The following ARFGEF1 variants were observed in gnomAD, a reference collection of about 807,000 sequenced individuals.
ARFGEF1 encodes brefeldin A-inhibited guanine nucleotide-exchange protein 1.
In ARFGEF1, 42 loss-of-function variants were observed where a neutral mutation model predicts 231.0. The ratio of observed to expected loss-of-function variants is 0.18; its 90% confidence interval spans 0.14 to 0.24. The LOEUF (loss-of-function observed/expected upper bound fraction) is 0.24. ARFGEF1 is among the 10% of genes least tolerant of loss of function. The pLI, the probability that ARFGEF1 is intolerant of heterozygous loss-of-function variation, is 1.00. For synonymous variants in ARFGEF1, 710 were observed against 732.3 expected (o/e 0.97, Z 0.49); for missense variants, 1,345 against 2,192.0 (o/e 0.61, Z 7.72).
At chr8:67,184,614 A>G (rs541953548) in intron 5 of ARFGEF1, among the ~76,000 whole-genome samples, 1 of 151,908 alleles carries the variant, frequency 6.6e-6, no homozygotes, top group African/African-American at 2.4e-5. Context: ...AGTCCCAGCT[A>G]TCTGGGAGGC....
At chr8:67,332,497 C>T (rs1808143858) in intron 1 of ARFGEF1, among the ~76,000 whole-genome samples, 1 of 152,082 alleles carries the variant, frequency 6.6e-6, no homozygotes, top group South Asian at 2.1e-4. Context: ...CACGAATTTG[C>T]CTGACTTCTT....
At chr8:67,276,239 T>A in intron 8 of ARFGEF1, 130 bp from the exon 9 acceptor site, 2 of 934,450 alleles carry the variant, frequency 2.1e-6, no homozygotes, top group Non-Finnish European at 3.2e-6. Flanking sequence ...GGGAACCAGA[T>A]GAGGGAATCT....
At chr8:67,282,686 A>G (rs1330358406) in intron 7 of ARFGEF1, among the ~76,000 whole-genome samples, 1 of 152,008 alleles carries the variant, frequency 6.6e-6, no homozygotes, top group Admixed American at 6.6e-5. Flanking sequence ...TCTCTACCAA[A>G]AAAATACAAA....
At chr8:67,332,535 T>C (rs1242458192) in intron 1 of ARFGEF1, among the ~76,000 whole-genome samples, 1 of 152,214 alleles carries the variant, frequency 6.6e-6, no homozygotes, top group Non-Finnish European at 1.5e-5. Flanking sequence ...AAAATTATAT[T>C]GTACACGACA....
At chr8:67,184,176 G>C (rs1420136741) in intron 5 of ARFGEF1, among the ~76,000 whole-genome samples, 1 of 152,088 alleles carries the variant, frequency 6.6e-6, no homozygotes, top group Admixed American at 6.5e-5. Flanking sequence ...TTTTTAAGGT[G>C]CTTAAATTTA....
At chr8:67,300,988 T>C (rs1806461405) in intron 3 of ARFGEF1, among the ~76,000 whole-genome samples, 1 of 152,234 alleles carries the variant, frequency 6.6e-6, no homozygotes, top group African/African-American at 2.4e-5. Flanking sequence ...TTTTCATTAT[T>C]GATAAACTTA....
intron 6 of ARFGEF1, among the ~76,000 whole-genome samples, chr8:67,291,291 TATA>T (rs2128909255): frequency 1.3e-5 from 2 of 152,214 alleles, no homozygotes; most frequent in African/African-American, 2.4e-5. Flanking sequence ...AGCGTTTTCT[TATA>T]ATATACACTT....
rs190230745 is a variant in ARFGEF1, at chr8:67,319,409, T to C, written c.125-16943A>G. Among the ~76,000 whole-genome samples the C allele has an allele frequency of 5.1e-4, 77 of 151,514 alleles. No homozygotes were observed. The South Asian group carries it at 8.3e-3, about 16-fold the overall frequency. Reference sequence around the variant, plus strand: ...GTCCAGACACAGACCCACAGAACTATAGATGATTAATTTTTGACAAAAGTA... The same window carrying C: ...GTCCAGACACAGACCCACAGAACTACAGATGATTAATTTTTGACAAAAGTA... On this transcript the variant is annotated intron_variant, in intron 1 of 38. Coordinates refer to ENST00000262215, the MANE Select transcript of ARFGEF1 (RefSeq NM_006421.5).
In ARFGEF1 at chr8:67,240,235, T is replaced by C; in HGVS notation, c.2906A>G (p.Asp969Gly). 1 of 1,613,216 alleles carries C rather than the reference T, an allele frequency of 6.2e-7. No individual in the cohort carries two copies. The highest frequency in any genetic ancestry group is 1.3e-5 in the African/African-American group (1 of 75,028). The change falls in exon 20 of 39, where the codon GAT becomes GGT. Residue 969 changes from aspartate to glycine, a missense_variant. Coordinates refer to ENST00000262215, the MANE Select transcript of ARFGEF1 (RefSeq NM_006421.5). ...AFSVGLQDCD[D>G]TEVASLCLEG... ...CAGGCAAAGAGAGGCTACTTCAGTATCATCACAATCTTGTAGACCCACACT... is the reference window on the plus strand; with the variant it reads ...CAGGCAAAGAGAGGCTACTTCAGTACCATCACAATCTTGTAGACCCACACT...
At chr8:67,238,261 T>G in intron 22 of ARFGEF1, 82 bp downstream of exon 22, 3 of 1,357,198 alleles carry the variant, frequency 2.2e-6, no homozygotes, top group Non-Finnish European at 3.0e-6. Context: ...CTTCTCCTTC[T>G]AATTATATTT....
At chr8:67,174,316 A>G (rs1831094357), downstream of ARFGEF1, 1 of 152,194 alleles carries the variant, frequency 6.6e-6, no homozygotes, top group Non-Finnish European at 1.5e-5. Context: ...ATTTCTGATC[A>G]TAAAGCTTTA....
At chr8:67,341,983 A>G (rs1287894541) in intron 1 of ARFGEF1, among the ~76,000 whole-genome samples, 1 of 152,214 alleles carries the variant, frequency 6.6e-6, no homozygotes, top group African/African-American at 2.4e-5. Flanking sequence ...ACAGTATATT[A>G]CAGCAAATTA....
intron 19 of ARFGEF1, among the ~76,000 whole-genome samples, chr8:67,245,956 A>G (rs1423852951): frequency 6.6e-6 from 1 of 150,522 alleles, no homozygotes; most frequent in African/African-American, 2.5e-5. Context: ...CTATACTTGT[A>G]TCAGAAAAAA....
chr8:67,300,773 G>A (rs1436456631), intron 3 of ARFGEF1, among the ~76,000 whole-genome samples: 1 of 151,604 alleles, frequency 6.6e-6, no homozygotes, highest in Non-Finnish European at 1.5e-5. Context: ...GAACACAGGG[G>A]GCAGAGGTCA....
chr8:67,333,381 G>A (rs1339125330), intron 1 of ARFGEF1, among the ~76,000 whole-genome samples: 1 of 150,900 alleles, frequency 6.6e-6, no homozygotes, highest in Non-Finnish European at 1.5e-5. Flanking sequence ...CCAGGCTGGA[G>A]TCCAGTGGTG....
At position 67,271,744 on chromosome 8, in the gene ARFGEF1, A is replaced by G; in HGVS notation, c.1530T>C (p.Thr510=). 1 of 1,613,494 alleles carries G rather than the reference A, an allele frequency of 6.2e-7. No individual in the cohort carries two copies. Among genetic ancestry groups the G allele is most frequent in the Non-Finnish European group, 8.5e-7 (1 of 1,179,800 alleles). The change falls in exon 10 of 39, where the codon ACT becomes ACC. Residue 510 remains threonine (T), a synonymous_variant. Transcript: ENST00000262215. ...GATGTGTCTTGAAATTTGACAACAA[A>G]GTAAGAAATATAGAAAGAGAAAGCT... The part of the protein sequence containing the change: ...VFELSLSIFL[T]LLSNFKTHLK...
intron 3 of ARFGEF1, among the ~76,000 whole-genome samples, 159 bp downstream of exon 3, chr8:67,301,065 T>G (rs1365931916): frequency 6.6e-6 from 1 of 152,200 alleles, no homozygotes; most frequent in Non-Finnish European, 1.5e-5. Flanking sequence ...TTTTTGCAAC[T>G]ATTATTATCT....
chr8:67,336,295 A>C (rs1279541754), intron 1 of ARFGEF1, among the ~76,000 whole-genome samples: 2 of 152,218 alleles, frequency 1.3e-5, no homozygotes, highest in Non-Finnish European at 2.9e-5. Flanking sequence ...AGATGAGCCA[A>C]AGACAGGATC....
intron 12 of ARFGEF1, 38 bp from the exon 13 acceptor site, chr8:67,267,022 T>G (rs746495797): frequency 6.2e-7 from 1 of 1,609,826 alleles, no homozygotes; most frequent in Non-Finnish European, 8.5e-7. Context: ...TTTTTAAAGG[T>G]CTTTTAAGGA....
Sources: gnomAD v4.1 joint callset for allele counts (sites outside exome capture counted in the v4.1 genomes callset) on GRCh38, gnomAD v4.1.1 for gene constraint, MANE v1.5 for transcripts, NCBI Gene and HGNC (gene_info 2026-07-23, HGNC 2026-07-21) for gene names.